CADM2: variants seen among roughly 807,000 people sequenced by gnomAD.
The protein encoded by CADM2 is cell adhesion molecule 2.
CADM2 carries 12 observed loss-of-function variants against 49.8 expected under a neutral mutation model. The ratio of observed to expected loss-of-function variants is 0.24; its 90% confidence interval spans 0.15 to 0.39. CADM2 has a LOEUF of 0.39. Ranked by LOEUF, CADM2 falls within the 10% of genes least tolerant of loss-of-function variation. The probability of loss-of-function intolerance (pLI) is 1.00; values close to 1 mark genes in which losing one functional copy is unlikely to be tolerated. For synonymous variants in CADM2, 214 were observed against 175.4 expected (o/e 1.22, Z -1.74); for missense variants, 378 against 492.3 (o/e 0.77, Z 2.20).
chr3:85,799,576 T>C (rs1050668729), intron 2 of CADM2, among the ~76,000 whole-genome samples: 2 of 152,238 alleles, frequency 1.3e-5, no homozygotes, highest in African/African-American at 4.8e-5. Context: ...ATTACATTTA[T>C]TGATTTGAGT....
chr3:85,590,660 G>A (rs1231729034), intron 1 of CADM2, among the ~76,000 whole-genome samples: 1 of 151,870 alleles, frequency 6.6e-6, no homozygotes, highest in Non-Finnish European at 1.5e-5. Flanking sequence ...TTAAAGGAAA[G>A]GCTTTGAAAA....
chr3:85,698,048 A>G (rs1449687330), intron 1 of CADM2, among the ~76,000 whole-genome samples: 1 of 152,244 alleles, frequency 6.6e-6, no homozygotes, highest in Non-Finnish European at 1.5e-5. Flanking sequence ...CTTTCTCATC[A>G]GATCTTGTGA....
At chr3:85,760,339 CTT>C (rs11452370) in intron 2 of CADM2, among the ~76,000 whole-genome samples, 1 of 146,884 alleles carries the variant, frequency 6.8e-6, no homozygotes, top group Non-Finnish European at 1.5e-5. Context: ...ATGGATACTT[CTT>C]TTTTTTTTTC....
intron 1 of CADM2, among the ~76,000 whole-genome samples, chr3:85,124,610 A>G (rs1179449170): frequency 6.6e-6 from 1 of 152,186 alleles, no homozygotes; most frequent in Non-Finnish European, 1.5e-5. Flanking sequence ...GTCTCAAAAA[A>G]CAAACTAACT....
intron 8 of CADM2, among the ~76,000 whole-genome samples, chr3:86,025,535 A>G (rs963800381): frequency 6.6e-6 from 1 of 151,932 alleles, no homozygotes; most frequent in Non-Finnish European, 1.5e-5. Context: ...TTTCATTCAC[A>G]TCTTCATCTG....
At chr3:86,054,500 G>A (rs1359371279) in intron 8 of CADM2, among the ~76,000 whole-genome samples, 2 of 151,986 alleles carry the variant, frequency 1.3e-5, no homozygotes, top group Non-Finnish European at 2.9e-5. Context: ...CCCCATTTAA[G>A]TGTTTATTTT....
rs1248299985 is a variant in CADM2, at chr3:86,021,436, C to CA, written c.971-44168dup. Among the ~76,000 whole-genome samples, 14 of 152,242 alleles carry CA rather than the reference C, an allele frequency of 9.2e-5. No homozygotes were observed. The East Asian group carries it at 2.7e-3, about 29-fold the overall frequency. ...TGTACCTTAGCTTAAGATAGAAATTCATTAGTGTAGACATGGCTTAAGTAG... is the reference window on the plus strand; with the variant it reads ...TGTACCTTAGCTTAAGATAGAAATTCAATTAGTGTAGACATGGCTTAAGTAG... On this transcript the variant is annotated intron_variant, in intron 8 of 9. Coordinates refer to ENST00000383699, the MANE Select transcript of CADM2 (RefSeq NM_001167675.2).
intron 1 of CADM2, among the ~76,000 whole-genome samples, chr3:85,709,247 T>A (rs2067041204): frequency 6.6e-6 from 1 of 152,180 alleles, no homozygotes; most frequent in Non-Finnish European, 1.5e-5. Flanking sequence ...ATTAACCTAT[T>A]TCTAAACATG....
chr3:86,064,830 T>A (rs1739123630), intron 8 of CADM2, among the ~76,000 whole-genome samples: 1 of 152,198 alleles, frequency 6.6e-6, no homozygotes, highest in South Asian at 2.1e-4. Flanking sequence ...AACATGAAAG[T>A]ATATTATTAA....
At chr3:85,225,578 A>G (rs2042139668) in intron 1 of CADM2, among the ~76,000 whole-genome samples, 1 of 151,416 alleles carries the variant, frequency 6.6e-6, no homozygotes, top group Non-Finnish European at 1.5e-5. Context: ...TCTTTTCCCA[A>G]GAATACCCTT....
chr3:86,057,417 T>C (rs1477621944), intron 8 of CADM2, among the ~76,000 whole-genome samples: 2 of 152,098 alleles, frequency 1.3e-5, no homozygotes. Flanking sequence ...ATAGTAACAG[T>C]TTTATTATAA....
intron 2 of CADM2, among the ~76,000 whole-genome samples, chr3:85,730,268 C>G (rs1333282872): frequency 6.6e-6 from 1 of 151,858 alleles, no homozygotes; most frequent in Non-Finnish European, 1.5e-5. Flanking sequence ...ATGGTGAAAC[C>G]CCATCTCTAC....
chr3:85,020,765 T>C (rs988037137), intron 1 of CADM2, among the ~76,000 whole-genome samples: 1 of 147,808 alleles, frequency 6.8e-6, no homozygotes, highest in Non-Finnish European at 1.5e-5. Flanking sequence ...TGTGTGTGTA[T>C]GGTGTGTGTG....
At chr3:85,520,347 G>T (rs918675565) in intron 1 of CADM2, among the ~76,000 whole-genome samples, 2 of 151,700 alleles carry the variant, frequency 1.3e-5, no homozygotes, top group Middle Eastern at 6.4e-3. Flanking sequence ...CAAATGTAAA[G>T]AAAACATTTT....
chr3:85,466,803 TA>T (rs1341590559), intron 1 of CADM2, among the ~76,000 whole-genome samples: 1 of 152,108 alleles, frequency 6.6e-6, no homozygotes, highest in African/African-American at 2.4e-5. Context: ...CATTGGATAG[TA>T]TCAGCTGATA....
intron 1 of CADM2, among the ~76,000 whole-genome samples, chr3:85,387,909 A>G (rs2034322379): frequency 6.6e-6 from 1 of 152,180 alleles, no homozygotes; most frequent in South Asian, 2.1e-4. Flanking sequence ...CTTTGCTTTA[A>G]TTCTCATCTT....
At chr3:85,275,525 T>C (rs951821762) in intron 1 of CADM2, among the ~76,000 whole-genome samples, 1 of 151,408 alleles carries the variant, frequency 6.6e-6, no homozygotes, top group African/African-American at 2.4e-5. Flanking sequence ...ATTCCAAGGC[T>C]TTTTCTTTTT....
intron 1 of CADM2, among the ~76,000 whole-genome samples, chr3:85,071,667 A>ATT (rs989682526): frequency 6.6e-6 from 1 of 152,160 alleles, no homozygotes; most frequent in African/African-American, 2.4e-5. Context: ...GGCAATATAT[A>ATT]TTTTTAAAAG....
chr3:85,225,821 A>G (rs1245256972), intron 1 of CADM2, among the ~76,000 whole-genome samples: 1 of 152,134 alleles, frequency 6.6e-6, no homozygotes, highest in Non-Finnish European at 1.5e-5. Flanking sequence ...GGGCTGATAA[A>G]TTTTGTTGAA....
Sources: allele counts gnomAD v4.1 joint callset (sites outside exome capture counted in the v4.1 genomes callset), GRCh38; gene constraint gnomAD v4.1.1; transcripts MANE v1.5; gene names NCBI Gene and HGNC (gene_info 2026-07-23, HGNC 2026-07-21).